AOAH: variants seen among roughly 807,000 people sequenced by gnomAD.
AOAH encodes acyloxyacyl hydrolase (neutrophil).
In AOAH, 64 loss-of-function variants were observed where a neutral mutation model predicts 92.2. That is an observed-to-expected ratio of 0.69 (90% CI 0.57 to 0.86). AOAH has a LOEUF of 0.86. Among genes scored for constraint, AOAH ranks in the 40% least tolerant of loss-of-function variants. The probability of loss-of-function intolerance (pLI) is 0.00; values close to 1 mark genes in which losing one functional copy is unlikely to be tolerated. For missense variants in AOAH, 656 were observed against 694.6 expected, an observed-to-expected ratio of 0.94 and a Z score of 0.62; for synonymous variants, 263 against 254.5, an observed-to-expected ratio of 1.03 and a Z score of -0.32.
chr7:36,583,407 G>A (rs1243473293), intron 12 of AOAH, among the ~76,000 whole-genome samples: 1 of 152,176 alleles, frequency 6.6e-6, no homozygotes, highest in Non-Finnish European at 1.5e-5. Flanking sequence ...CAGGGAGATA[G>A]ATTAAAGACC....
At chr7:36,680,708 C>A (rs1045158749) in intron 2 of AOAH, among the ~76,000 whole-genome samples, 1 of 152,320 alleles carries the variant, frequency 6.6e-6, no homozygotes. Context: ...TTAACCTGAA[C>A]TGAGTGTTCT....
chr7:36,623,376 C>T, intron 6 of AOAH, 126 bp from the exon 7 acceptor site: 1 of 806,536 alleles, frequency 1.2e-6, no homozygotes, highest in Non-Finnish European at 2.0e-6. Context: ...CCATTCTAAA[C>T]AGAAAATTAA....
intron 6 of AOAH, among the ~76,000 whole-genome samples, chr7:36,626,258 T>C (rs1033491843): frequency 6.6e-6 from 1 of 152,152 alleles, no homozygotes; most frequent in Non-Finnish European, 1.5e-5. Context: ...AAAAAGGAGC[T>C]GCAGGAAAGG....
intron 19 of AOAH, among the ~76,000 whole-genome samples, chr7:36,524,858 G>C (rs1230143544): frequency 1.3e-5 from 2 of 151,932 alleles, no homozygotes. Flanking sequence ...TTAGCCTCCG[G>C]AACTGTGAGA....
chr7:36,575,440 C>T (rs561820232), intron 13 of AOAH, among the ~76,000 whole-genome samples: 5 of 152,248 alleles, frequency 3.3e-5, no homozygotes, highest in East Asian at 1.9e-4. Context: ...TATATTTTAA[C>T]GCATTTGGTA....
intron 1 of AOAH, among the ~76,000 whole-genome samples, chr7:36,699,060 T>C (rs1054368758): frequency 6.6e-6 from 1 of 151,956 alleles, no homozygotes; most frequent in African/African-American, 2.4e-5. Context: ...ATGCAATAAT[T>C]GTCTTTTTGT....
intron 4 of AOAH, among the ~76,000 whole-genome samples, chr7:36,648,914 G>C (rs1177778039): frequency 6.6e-6 from 1 of 151,762 alleles, no homozygotes; most frequent in African/African-American, 2.4e-5. Context: ...ATGTTTAAAG[G>C]GGAACTTTTA....
At chr7:36,554,016 T>A (rs1424140803) in intron 13 of AOAH, among the ~76,000 whole-genome samples, 6 of 152,204 alleles carry the variant, frequency 3.9e-5, no homozygotes, top group Non-Finnish European at 8.8e-5. Flanking sequence ...TTTTGGCTTT[T>A]GTTGCCATTG....
chr7:36,540,369 G>T lies in AOAH; in HGVS notation c.1256C>A (p.Pro419Gln). 1.9e-6 allele frequency: 3 copies of T among 1,614,022 alleles called. No individual in the cohort carries two copies. Among genetic ancestry groups the T allele is most frequent in the Non-Finnish European group, 2.5e-6 (3 of 1,179,940 alleles). ...ATTATCCCAGAGAAAGGTTCCATCT[G>T]GTAAGCCATACAAAATAACATGGCT... ...NGSHVILYGL[P>Q]DGTFLWDNLH... Residue 419 changes from proline to glutamine, a missense_variant, in exon 16 of 21, where the codon CCA (proline) becomes CAA (glutamine). By Grantham distance (76) the Pro-to-Gln change is moderately conservative. Coordinates refer to ENST00000617537, the MANE Select transcript of AOAH (RefSeq NM_001637.4).
In AOAH at chr7:36,614,058, G is replaced by A. The variant is rs551639751; in HGVS notation, c.846+2322C>T. Reference sequence around the variant, plus strand: ...TCAAGGAAAAAATGATAATTTCTGCGGGTTAATTTCTCTGGATCAGTTTCA... The same window carrying A: ...TCAAGGAAAAAATGATAATTTCTGCAGGTTAATTTCTCTGGATCAGTTTCA... On this transcript the variant is annotated intron_variant, in intron 11 of 20. Transcript: ENST00000617537. The surrounding 1 kb of genome is among the most constrained non-coding windows in gnomAD (Gnocchi z 4.2). 1.4e-4 allele frequency among the ~76,000 whole-genome samples: 22 copies of A among 152,112 alleles called. No individual in the cohort carries two copies. The highest frequency in any genetic ancestry group is 2.6e-4 in the Non-Finnish European group (18 of 68,024).
chr7:36,656,707 T>G (rs1160500454), intron 4 of AOAH, among the ~76,000 whole-genome samples: 3 of 151,416 alleles, frequency 2.0e-5, no homozygotes, highest in Non-Finnish European at 4.4e-5. Context: ...TTTTTATGAC[T>G]TTTTTTTGTG....
chr7:36,688,559 T>C (rs777718771), intron 1 of AOAH, among the ~76,000 whole-genome samples: 5 of 152,022 alleles, frequency 3.3e-5, no homozygotes, highest in African/African-American at 1.2e-4. Flanking sequence ...TGCAGTATGG[T>C]GTAGTTGAAG....
intron 1 of AOAH, among the ~76,000 whole-genome samples, chr7:36,713,411 C>G (rs1439125723): frequency 6.6e-6 from 1 of 152,126 alleles, no homozygotes; most frequent in Non-Finnish European, 1.5e-5. Context: ...CAACATTAGA[C>G]AGATCAACGA....
intron 13 of AOAH, among the ~76,000 whole-genome samples, chr7:36,564,368 TCTC>T (rs1787525264): frequency 6.6e-6 from 1 of 152,174 alleles, no homozygotes. Context: ...TTGATGATGA[TCTC>T]CTTGAAGGTG....
intron 13 of AOAH, among the ~76,000 whole-genome samples, 193 bp downstream of exon 13, chr7:36,576,381 T>C (rs1490974256): frequency 6.6e-6 from 1 of 152,240 alleles, no homozygotes; most frequent in Non-Finnish European, 1.5e-5. Context: ...AGCTTGTTTT[T>C]GTTCTCCTTT....
intron 1 of AOAH, among the ~76,000 whole-genome samples, chr7:36,718,560 T>C (rs6946571): frequency 0.62 from 93,939 of 152,078 alleles, 29,304 homozygotes; most frequent in East Asian, 0.82. Flanking sequence ...ACTCAAATGT[T>C]CATCAACAAT....
Position 36,621,711 on chromosome 7 carries a change from T to G in AOAH, c.652A>C (p.Arg218=), listed in dbSNP as rs778418726. ...DSDESVYPGR[R]PNNWDVHQDS... is the part of the protein sequence containing the mutation. ...TCAGCAACCAGCAGAAATAGTTACC[T>G]TCTACCTGGGTACACTGACTCGTCG... The change falls in exon 8 of 21, where the codon AGG becomes CGG. Residue 218 remains arginine, a splice_region_variant and synonymous_variant. Transcript: ENST00000617537. 2 of 1,614,046 alleles carry G rather than the reference T, an allele frequency of 1.2e-6. No homozygotes were observed.
Position 36,717,041 on chromosome 7 carries a change from T to A in AOAH, c.127+6981A>T, listed in dbSNP as rs192485524. On this transcript the variant is annotated intron_variant, in intron 1 of 20. Coordinates refer to ENST00000617537, the MANE Select transcript of AOAH (RefSeq NM_001637.4). Reference sequence around the variant, plus strand: ...ATAAAAAAGCATAGTCGACCCTGCATTTGCTTAGTGTTCAAATGGGACATA... The same window carrying A: ...ATAAAAAAGCATAGTCGACCCTGCAATTGCTTAGTGTTCAAATGGGACATA... 2.2e-3 allele frequency among the ~76,000 whole-genome samples: 330 copies of A among 152,160 alleles called. 3 individuals carry two copies. Among genetic ancestry groups the A allele is most frequent in the African/African-American group, 7.7e-3 (320 of 41,522 alleles).
intron 16 of AOAH, among the ~76,000 whole-genome samples, chr7:36,537,208 A>G (rs1785123882): frequency 6.6e-6 from 1 of 150,412 alleles, no homozygotes; most frequent in Non-Finnish European, 1.5e-5. Flanking sequence ...AACAAATTTT[A>G]GATGGTTTCA....
Sources: gnomAD v4.1 joint callset for allele counts (sites outside exome capture counted in the v4.1 genomes callset) on GRCh38, gnomAD v4.1.1 for gene constraint, Gnocchi (gnomAD v3.1) non-coding constraint, MANE v1.5 for transcripts, NCBI Gene and HGNC (gene_info 2026-07-23, HGNC 2026-07-21) for gene names.